The following RBM6 variants were observed in gnomAD, a reference collection of about 807,000 sequenced individuals.
RBM6 encodes RNA binding motif protein 6.
In RBM6, 23 loss-of-function variants were observed where a neutral mutation model predicts 140.4. The ratio of observed to expected loss-of-function variants is 0.16; its 90% CI spans 0.12 to 0.23. RBM6 has a LOEUF of 0.23. Ranked by LOEUF, RBM6 falls within the 10% of genes least tolerant of loss-of-function variation. The pLI, the probability that RBM6 is intolerant of heterozygous loss-of-function variation, is 1.00. For missense variants in RBM6, 1,139 were observed against 1,386.7 expected (o/e 0.82, Z 2.84); for synonymous variants, 439 against 475.6 (o/e 0.92, Z 1.00).
intron 1 of RBM6, among the ~76,000 whole-genome samples, chr3:49,941,774 G>T (rs1034014401): frequency 6.6e-6 from 1 of 151,314 alleles, no homozygotes; most frequent in South Asian, 2.1e-4. Context: ...CGCTATGTTG[G>T]CCAGGCTGGT....
chr3:50,014,228 T>G (rs982876833), intron 6 of RBM6, among the ~76,000 whole-genome samples: 1 of 152,128 alleles, frequency 6.6e-6, no homozygotes, highest in African/African-American at 2.4e-5. Context: ...GTAGTGAGAG[T>G]GCAGGCACGG....
At chr3:50,064,069 G>C (rs1007025197) in intron 15 of RBM6, among the ~76,000 whole-genome samples, 1 of 151,832 alleles carries the variant, frequency 6.6e-6, no homozygotes, top group Non-Finnish European at 1.5e-5. Context: ...GAGTAGCTGG[G>C]ATATCAGGCG....
chr3:50,040,554 A>G (rs1420160133), intron 6 of RBM6, among the ~76,000 whole-genome samples: 1 of 149,610 alleles, frequency 6.7e-6, no homozygotes, highest in Non-Finnish European at 1.5e-5. Context: ...GCATATATAT[A>G]TACACACACA....
rs1171636981 is a variant in RBM6, at chr3:49,941,640, C to CAAAA, written c.-67+1442_-67+1445dup. ...GGGCCACAAGAGTGAAACTCTGTCT[C>CAAAA]AAAAAAAAAAAAAAAAAAAAAAAAA... is the stretch of plus-strand genomic sequence containing the variant. On this transcript the variant is annotated intron_variant, in intron 1 of 20. Transcript: ENST00000266022. 4.6e-3 allele frequency among the ~76,000 whole-genome samples: 269 copies of CAAAA among 58,714 alleles called. 14 individuals carry two copies. The highest frequency in any genetic ancestry group is 0.017 in the African/African-American group (243 of 13,928). 38.5% of individuals were successfully genotyped at this position (58,714 alleles called of 152,430 possible). A position where few individuals can be genotyped will look rare whatever the true frequency, so the allele number is the denominator to read the frequency against.
chr3:50,011,103 T>G (rs2086826290), intron 6 of RBM6, among the ~76,000 whole-genome samples: 2 of 151,966 alleles, frequency 1.3e-5, no homozygotes, highest in Admixed American at 6.6e-5. Context: ...GGCTGATGCC[T>G]GTAGTTTCAG....
intron 6 of RBM6, among the ~76,000 whole-genome samples, chr3:50,033,822 A>ACCAT (rs2088333655): frequency 2.6e-5 from 4 of 151,944 alleles, no homozygotes; most frequent in Admixed American, 2.6e-4. Flanking sequence ...TTGTATTTTT[A>ACCAT]GTAGAGATGG....
rs151195896 is a variant in RBM6, at chr3:49,973,411, A to G, written c.1413+1263A>G. Reference sequence around the variant, plus strand: ...GGGAAATGAACTGCCCAGGCAGTTCATGCTGAGGAAGTGCTGTGGCCCTGG... The same window carrying G: ...GGGAAATGAACTGCCCAGGCAGTTCGTGCTGAGGAAGTGCTGTGGCCCTGG... On this transcript the variant is annotated intron_variant, in intron 4 of 20. Transcript: ENST00000266022. 2.0e-3 allele frequency among the ~76,000 whole-genome samples: 312 copies of G among 152,242 alleles called. 1 individual carries two copies. Among genetic ancestry groups the G allele is most frequent in the Non-Finnish European group, 3.5e-3 (237 of 68,006 alleles).
chr3:50,049,759 T>C (rs2089386616), intron 7 of RBM6, among the ~76,000 whole-genome samples: 1 of 152,162 alleles, frequency 6.6e-6, no homozygotes, highest in South Asian at 2.1e-4. Context: ...AACATTACAT[T>C]TGCCATTTTA....
At chr3:50,071,498 G>C (rs1419784143) in intron 19 of RBM6, among the ~76,000 whole-genome samples, 3 of 148,114 alleles carry the variant, frequency 2.0e-5, no homozygotes, top group Non-Finnish European at 4.5e-5. Context: ...GATCATGATT[G>C]CCTGAGTGAA....
chr3:50,054,522 T>C, intron 8 of RBM6, 127 bp downstream of exon 8: 1 of 851,878 alleles, frequency 1.2e-6, no homozygotes, highest in Non-Finnish European at 1.9e-6. Flanking sequence ...TTTTTTTTTT[T>C]TGAGATGGAG....
chr3:50,054,506 AC>A, intron 8 of RBM6, 111 bp downstream of exon 8: 1 of 959,346 alleles, frequency 1.0e-6, no homozygotes, highest in South Asian at 1.5e-5. Context: ...TGATCTACAA[AC>A]CTTTTTTTTT....
rs759562776 is a variant in RBM6 at position 50,075,282 on chromosome 3, A to C, written c.3198A>C (p.Lys1066Asn). 1 of 1,614,242 alleles carries C rather than the reference A, an allele frequency of 6.2e-7. No homozygotes were observed. Among genetic ancestry groups the C allele is most frequent in the South Asian group, 1.1e-5 (1 of 91,084 alleles). ...TCCAACAGGCTACTGGCTGGAGGAA[A>C]GGGACAGGCCTGGGATATGGCCATC... Reference protein sequence around the residue: ...GCVQQATGWRKGTGLGYGHPG... With the variant: ...GCVQQATGWRNGTGLGYGHPG... The change falls in exon 20 of 21, where the codon AAA (lysine) becomes AAC (asparagine). Residue 1066 changes from lysine to asparagine, a missense_variant. Physicochemically the swap from Lys to Asn is moderately conservative, Grantham distance 94 (BLOSUM62 0). Coordinates refer to ENST00000266022, the MANE Select transcript of RBM6 (RefSeq NM_005777.3).
chr3:49,973,845 C>G (rs894907787), intron 4 of RBM6, among the ~76,000 whole-genome samples: 4 of 151,942 alleles, frequency 2.6e-5, no homozygotes, highest in Non-Finnish European at 5.9e-5. Flanking sequence ...CTCGGCCTCT[C>G]AAAGTGCTGA....
chr3:49,976,317 GA>G (rs1559544506), intron 5 of RBM6, among the ~76,000 whole-genome samples: 1 of 152,108 alleles, frequency 6.6e-6, no homozygotes, highest in East Asian at 1.9e-4. Context: ...TTCTGCAGAG[GA>G]AAATTATCCA....
In RBM6 at chr3:50,077,225, T is replaced by C; in HGVS notation, c.*92T>C. The C allele has an allele frequency of 7.4e-7, 1 of 1,360,410 alleles. No homozygotes were observed. Among genetic ancestry groups the C allele is most frequent in the Non-Finnish European group, 9.8e-7 (1 of 1,018,676 alleles). 84.3% of individuals were successfully genotyped at this position (1,360,410 alleles called of 1,614,324 possible). On this transcript the variant is annotated 3_prime_UTR_variant, in exon 21 of 21. Transcript: ENST00000266022. Reference sequence around the variant, plus strand: ...TACTGTTCTTGCTGCTAGAACTTTTTTAAATAAACTTTTTTTCAATGTGAT... The same window carrying C: ...TACTGTTCTTGCTGCTAGAACTTTTCTAAATAAACTTTTTTTCAATGTGAT...
Position 49,962,508 on chromosome 3 carries a change from A to G in RBM6, c.-66-68A>G, listed in dbSNP as rs543450959. ...TGATGTGGTCCCTCATAAACCAAGC[A>G]GTGGGAAACTGGTTTAGCTTTTAGT... On this transcript the variant is annotated intron_variant, in intron 1 of 20. Transcript: ENST00000266022. The G allele has an allele frequency of 1.2e-4, 84 of 722,908 alleles. No homozygotes were observed. The Middle Eastern group carries it at 1.4e-3, about 12-fold the overall frequency. 44.8% of individuals were successfully genotyped at this position (722,908 alleles called of 1,614,324 possible). A position where few individuals can be genotyped will look rare whatever the true frequency, so the allele number is the denominator to read the frequency against.
At chr3:50,061,054 T>G in intron 12 of RBM6, 56 bp downstream of exon 12, 1 of 1,604,046 alleles carries the variant, frequency 6.2e-7, no homozygotes, top group Non-Finnish European at 8.5e-7. Flanking sequence ...ACTATAAGGG[T>G]GATCTTGAAT....
chr3:49,988,266 T>A (rs2085656720), intron 5 of RBM6, among the ~76,000 whole-genome samples: 1 of 152,136 alleles, frequency 6.6e-6, no homozygotes, highest in Non-Finnish European at 1.5e-5. Flanking sequence ...CACCTCAGCC[T>A]CCCAAGTAGC....
intron 8 of RBM6, among the ~76,000 whole-genome samples, chr3:50,056,318 G>A (rs1191324461): frequency 1.0e-4 from 15 of 149,878 alleles, no homozygotes; most frequent in Non-Finnish European, 3.0e-5. Context: ...TTTTTGAGAC[G>A]GAGTCTTGCT....
Sources: allele counts gnomAD v4.1 joint callset (sites outside exome capture counted in the v4.1 genomes callset), GRCh38; gene constraint gnomAD v4.1.1; transcripts MANE v1.5; gene names NCBI Gene and HGNC (gene_info 2026-07-23, HGNC 2026-07-21).